The following IFT43 variants were observed in gnomAD, a reference collection of about 807,000 sequenced individuals.
IFT43 encodes intraflagellar transport protein 43 homolog.
Under a neutral mutation model 32.3 loss-of-function variants are expected in IFT43, and 33 were observed. The ratio of observed to expected loss-of-function variants is 1.02; its 90% CI spans 0.77 to 1.37. The LOEUF is 1.37. Among genes scored for constraint, IFT43 ranks in the 40% most tolerant of loss-of-function variants. The pLI is 0.00. For synonymous variants in IFT43, 93 were observed against 98.2 expected, an observed-to-expected ratio of 0.95 and a Z score of 0.31; for missense variants, 274 against 265.9, an observed-to-expected ratio of 1.03 and a Z score of -0.21.
chr14:76,016,561 A>G (rs1029964955), intron 2 of IFT43, among the ~76,000 whole-genome samples: 1 of 152,062 alleles, frequency 6.6e-6, no homozygotes, highest in African/African-American at 2.4e-5. Flanking sequence ...TCCCATATAA[A>G]TTTTAGGGTT....
At chr14:76,002,958 A>G (rs2035917755) in intron 2 of IFT43, among the ~76,000 whole-genome samples, 1 of 152,260 alleles carries the variant, frequency 6.6e-6, no homozygotes, top group East Asian at 1.9e-4. Flanking sequence ...TAATCTGCTT[A>G]GAAACCGTAA....
chr14:76,043,713 T>A (rs1308981876), intron 3 of IFT43, among the ~76,000 whole-genome samples: 1 of 152,226 alleles, frequency 6.6e-6, no homozygotes, highest in Non-Finnish European at 1.5e-5. Context: ...ACACCAGATG[T>A]ATAGAAGTTT....
At chr14:76,038,862 A>G (rs2036653669) in intron 3 of IFT43, among the ~76,000 whole-genome samples, 1 of 152,056 alleles carries the variant, frequency 6.6e-6, no homozygotes, top group African/African-American at 2.4e-5. Context: ...AGAATAATGG[A>G]TGGGTCATGG....
intron 2 of IFT43, 40 bp from the exon 3 acceptor site, chr14:76,022,287 G>A (rs767774640): frequency 1.9e-5 from 30 of 1,545,432 alleles, no homozygotes; most frequent in Non-Finnish European, 2.3e-5. Context: ...AAATGCAAAT[G>A]TTGAGTGAAT....
At chr14:76,059,828 A>C (rs556039195) in intron 5 of IFT43, among the ~76,000 whole-genome samples, 34 of 152,220 alleles carry the variant, frequency 2.2e-4, no homozygotes, top group Non-Finnish European at 3.7e-4. Flanking sequence ...CCCATTTTAC[A>C]GTTGTGGAAA....
intron 5 of IFT43, among the ~76,000 whole-genome samples, chr14:76,062,938 A>AAAAAAAAAAAAAAAAAAAAAAAAAAAG (rs1485146040): frequency 5.8e-5 from 7 of 120,834 alleles, no homozygotes; most frequent in African/African-American, 1.6e-4. Flanking sequence ...AAAAAAAAAA[A>AAAAAAAAAAAAAAAAAAAAAAAAAAAG]AAAGAAAATA....
chr14:76,045,687 G>A (rs916161450), intron 3 of IFT43, among the ~76,000 whole-genome samples: 1 of 152,188 alleles, frequency 6.6e-6, no homozygotes, highest in Non-Finnish European at 1.5e-5. Flanking sequence ...CTGCTATACT[G>A]CCAAGCCTCA....
intron 2 of IFT43, among the ~76,000 whole-genome samples, chr14:75,991,738 A>T (rs7142059): frequency 2.6e-5 from 4 of 152,078 alleles, no homozygotes; most frequent in African/African-American, 9.7e-5. Context: ...AACTCTGTGC[A>T]TTACCATTTT....
At chr14:76,074,662 T>C (rs921098084) in intron 5 of IFT43, among the ~76,000 whole-genome samples, 5 of 152,228 alleles carry the variant, frequency 3.3e-5, no homozygotes, top group African/African-American at 4.8e-5. Context: ...ACAGGAACAT[T>C]GCTGTCTAGG....
chr14:76,046,297 G>A (rs188776179), intron 3 of IFT43, among the ~76,000 whole-genome samples: 11 of 152,108 alleles, frequency 7.2e-5, no homozygotes, highest in African/African-American at 2.2e-4. Context: ...CTTTGTGAGC[G>A]GGATAAAATG....
intron 5 of IFT43, among the ~76,000 whole-genome samples, chr14:76,062,964 CTG>C (rs1482736725): frequency 2.1e-5 from 3 of 141,634 alleles, no homozygotes; most frequent in Non-Finnish European, 1.5e-5. Flanking sequence ...AGTCAAACCA[CTG>C]TAAATTGTGG....
chr14:75,991,402 T>A (rs1202940622), intron 2 of IFT43, among the ~76,000 whole-genome samples: 1 of 146,972 alleles, frequency 6.8e-6, no homozygotes, highest in African/African-American at 2.5e-5. Context: ...TGTGTGTGTG[T>A]GTGTGTGTGT....
intron 3 of IFT43, chr14:76,038,125 A>C (rs1032432093): frequency 6.6e-6 from 1 of 152,238 alleles, no homozygotes; most frequent in Non-Finnish European, 1.5e-5. Flanking sequence ...GTCCTGGGCA[A>C]CGTGGGTTCT....
chr14:75,999,267 ATATATGTATATATATTTTTTTTTT>A (rs2035830537), intron 2 of IFT43, among the ~76,000 whole-genome samples: 1 of 24,494 alleles, frequency 4.1e-5, no homozygotes, highest in African/African-American at 2.5e-4. Context: ...ATATATATAT[ATATATGTATATATATTTTTTTTTT>A]TTTTTTTTTA....
At chr14:76,033,658 G>A (rs1415871682) in intron 3 of IFT43, among the ~76,000 whole-genome samples, 4 of 152,226 alleles carry the variant, frequency 2.6e-5, no homozygotes, top group Admixed American at 6.5e-5. Context: ...GGCAACTTTC[G>A]AGCTTTGAGG....
chr14:75,999,740 C>T (rs1043982478), intron 2 of IFT43, among the ~76,000 whole-genome samples: 2 of 152,136 alleles, frequency 1.3e-5, no homozygotes, highest in African/African-American at 2.4e-5. Context: ...CCATTTCTGG[C>T]GGCCTGCAAA....
chr14:76,067,230 C>G (rs1489967044), intron 5 of IFT43, among the ~76,000 whole-genome samples: 1 of 152,166 alleles, frequency 6.6e-6, no homozygotes, highest in Admixed American at 6.5e-5. Context: ...AGCACTTTCT[C>G]CATCCATTGA....
intron 2 of IFT43, among the ~76,000 whole-genome samples, chr14:76,001,504 A>T (rs2035884841): frequency 6.6e-6 from 1 of 152,148 alleles, no homozygotes; most frequent in African/African-American, 2.4e-5. Flanking sequence ...AAGCAGGGAG[A>T]CCAGGTAGGA....
In IFT43 at chr14:76,082,618, A is replaced by T; in HGVS notation, c.370A>T (p.Ile124Phe). 1 of 1,614,146 alleles carries T rather than the reference A, an allele frequency of 6.2e-7. No homozygotes were observed. The highest frequency in any genetic ancestry group is 8.5e-7 in the Non-Finnish European group (1 of 1,180,014). Residue 124 changes from isoleucine (I) to phenylalanine (F), a missense_variant and splice_region_variant, in exon 7 of 9, where the codon ATC (isoleucine) becomes TTC (phenylalanine). By Grantham distance (21) the Ile-to-Phe change is conservative. Coordinates refer to ENST00000314067, the MANE Select transcript of IFT43 (RefSeq NM_001102564.3). ...FVLQVAAPPS[I>F]QIKRVMTYRD... Reference sequence around the variant, plus strand: ...CCTCTCGCTCTCTCTTTCCTTCAGCATCCAGATAAAGCGGGTGATGACCTA... The same window carrying T: ...CCTCTCGCTCTCTCTTTCCTTCAGCTTCCAGATAAAGCGGGTGATGACCTA...
Sources: gnomAD v4.1 joint callset for allele counts (sites outside exome capture counted in the v4.1 genomes callset) on GRCh38, gnomAD v4.1.1 for gene constraint, MANE v1.5 for transcripts, NCBI Gene and HGNC (gene_info 2026-07-23, HGNC 2026-07-21) for gene names.